The following FAM184B variants were observed in gnomAD, a reference collection of about 807,000 sequenced individuals.
The protein encoded by FAM184B is protein FAM184B.
FAM184B carries 111 observed loss-of-function variants against 135.9 expected under a neutral mutation model. The ratio of observed to expected loss-of-function variants is 0.82; its 90% CI spans 0.70 to 0.96. The LOEUF (loss-of-function observed/expected upper bound fraction) is 0.96, where lower values mean the gene tolerates loss of function less well. FAM184B is among the 40% of genes least tolerant of loss of function. The pLI is 0.00. For synonymous variants in FAM184B, 552 were observed against 524.8 expected, an observed-to-expected ratio of 1.05 and a Z score of -0.71; for missense variants, 1,375 against 1,323.9, an observed-to-expected ratio of 1.04 and a Z score of -0.60.
At chr4:17,744,261 A>T (rs1274002703) in intron 1 of FAM184B, among the ~76,000 whole-genome samples, 2 of 152,068 alleles carry the variant, frequency 1.3e-5, no homozygotes, top group African/African-American at 4.8e-5. Flanking sequence ...TGCTTGACTG[A>T]ATAACTGGGA....
chr4:17,708,689 AT>A (rs1366944166), intron 2 of FAM184B, among the ~76,000 whole-genome samples: 3 of 51,274 alleles, frequency 5.9e-5, no homozygotes, highest in Non-Finnish European at 1.0e-4. Flanking sequence ...ATATATATAT[AT>A]ATATATATAT....
At chr4:17,774,518 G>T (rs182128979) in intron 1 of FAM184B, among the ~76,000 whole-genome samples, 36 of 152,260 alleles carry the variant, frequency 2.4e-4, no homozygotes, top group Non-Finnish European at 4.0e-4. Context: ...CTTCCCAAAG[G>T]GTTTATTTAC....
intron 1 of FAM184B, among the ~76,000 whole-genome samples, chr4:17,736,666 A>T (rs893596339): frequency 1.3e-5 from 2 of 152,170 alleles, no homozygotes; most frequent in Admixed American, 6.5e-5. Flanking sequence ...TACAGGAGAT[A>T]CAGGGTAAGT....
At chr4:17,698,385 A>G (rs1716912230) in intron 5 of FAM184B, among the ~76,000 whole-genome samples, 1 of 149,568 alleles carries the variant, frequency 6.7e-6, no homozygotes, top group African/African-American at 2.5e-5. Context: ...ACAGGTAATT[A>G]AGGAAAAGAG....
intron 1 of FAM184B, among the ~76,000 whole-genome samples, chr4:17,726,674 A>G (rs1717650670): frequency 6.6e-6 from 1 of 152,142 alleles, no homozygotes; most frequent in East Asian, 1.9e-4. Context: ...GCCTGGCCAA[A>G]TGATGTCATT....
intron 1 of FAM184B, among the ~76,000 whole-genome samples, chr4:17,768,531 T>C (rs1718746705): frequency 1.3e-5 from 2 of 152,208 alleles, no homozygotes; most frequent in African/African-American, 4.8e-5. Flanking sequence ...CGCCTCGGCC[T>C]CCCAAAGTGC....
Position 17,632,512 on chromosome 4 carries a change from G to A in FAM184B, c.*20C>T. 1 of 1,520,286 alleles carries A rather than the reference G, an allele frequency of 6.6e-7. No homozygotes were observed. The highest frequency in any genetic ancestry group is 8.9e-7 in the Non-Finnish European group (1 of 1,120,294). The allele number at this position is 1,520,286 out of a possible 1,614,324, so 94.2% of individuals were successfully genotyped here. ...TAAATGTTTTTCAAGTATCCTCTGT[G>A]ATGTATCCCAAAGGTTAGCTTAGAA... On this transcript the variant is annotated 3_prime_UTR_variant, in exon 18 of 18. Transcript: ENST00000265018.
chr4:17,717,787 GA>G (rs1325221209), intron 1 of FAM184B, among the ~76,000 whole-genome samples: 10 of 150,368 alleles, frequency 6.7e-5, no homozygotes, highest in Non-Finnish European at 3.0e-5. Flanking sequence ...GAATTGAAAT[GA>G]AAAAGAAAAA....
intron 11 of FAM184B, among the ~76,000 whole-genome samples, chr4:17,651,186 G>A (rs1056766267): frequency 6.6e-6 from 1 of 152,164 alleles, no homozygotes; most frequent in Non-Finnish European, 1.5e-5. Context: ...GAAAATGAGG[G>A]ACAGGGATGA....
At chr4:17,682,358 A>C (rs1312563199) in intron 7 of FAM184B, among the ~76,000 whole-genome samples, 5 of 152,270 alleles carry the variant, frequency 3.3e-5, no homozygotes, top group African/African-American at 1.2e-4. Context: ...GTCCCAGCTA[A>C]GTTTAGTGGG....
intron 1 of FAM184B, among the ~76,000 whole-genome samples, chr4:17,733,435 C>G (rs1362188495): frequency 6.6e-6 from 1 of 152,170 alleles, no homozygotes; most frequent in Non-Finnish European, 1.5e-5. Flanking sequence ...TAGAAATCCC[C>G]ATCGTCTCAG....
At chr4:17,685,174 A>G (rs1716549379) in intron 7 of FAM184B, among the ~76,000 whole-genome samples, 1 of 148,064 alleles carries the variant, frequency 6.8e-6, no homozygotes, top group Non-Finnish European at 1.5e-5. Flanking sequence ...AAACCTATTC[A>G]TCCTGCACAT....
Position 17,651,537 on chromosome 4 carries a change from C to CAAAAAAA in FAM184B, c.2191+1286_2191+1292dup, listed in dbSNP as rs751455835. Among the ~76,000 whole-genome samples the CAAAAAAA allele has an allele frequency of 7.4e-4, 32 of 43,092 alleles. 1 individual carries two copies. The highest frequency in any genetic ancestry group is 3.6e-3 in the South Asian group (2 of 562). The allele number at this position is 43,092 out of a possible 152,430, so 28.3% of individuals were successfully genotyped here. On this transcript the variant is annotated intron_variant, in intron 11 of 17. Coordinates refer to ENST00000265018, the MANE Select transcript of FAM184B (RefSeq NM_015688.2). ...TGGGCGACAGAGCAAGACTCTGTCT[C>CAAAAAAA]AAAAAAAAAAAAAAAAAAAAAAAAA... is the stretch of plus-strand genomic sequence containing the variant.
intron 8 of FAM184B, among the ~76,000 whole-genome samples, chr4:17,662,411 C>T (rs374604151): frequency 8.6e-5 from 13 of 151,976 alleles, no homozygotes; most frequent in African/African-American, 2.7e-4. Context: ...AATCTCGGCT[C>T]GCTGCAACCT....
At chr4:17,685,842 T>G (rs1035170565) in intron 7 of FAM184B, among the ~76,000 whole-genome samples, 2 of 152,146 alleles carry the variant, frequency 1.3e-5, no homozygotes, top group African/African-American at 4.8e-5. Flanking sequence ...AGTCAAGTGC[T>G]GAAGTTGAGC....
intron 1 of FAM184B, among the ~76,000 whole-genome samples, chr4:17,748,543 TCGC>T: frequency 7.3e-6 from 1 of 137,372 alleles, no homozygotes; most frequent in Non-Finnish European, 1.5e-5. Context: ...AGACAATGTC[TCGC>T]TCTGCCACCC....
chr4:17,690,079 C>T (rs1312178788), intron 6 of FAM184B, among the ~76,000 whole-genome samples: 2 of 151,654 alleles, frequency 1.3e-5, no homozygotes, highest in African/African-American at 2.4e-5. Context: ...ACCTGAGAGG[C>T]GGAGGTTACA....
rs1173872924 is a variant in FAM184B at position 17,658,488 on chromosome 4, G to C, written c.1899C>G (p.Leu633=). The part of the protein sequence containing the change: ...YREDLQALKQ[L]SDLEREKLQR... ...GCAGCTTCTCCCTCTCCAGGTCCGA[G>C]AGCTGCTTGAGTGCCTGCAGGTCCT... The change falls in exon 10 of 18, where the codon CTC becomes CTG. Residue 633 remains leucine, a synonymous_variant. Transcript: ENST00000265018. 6.4e-7 allele frequency: 1 copy of C among 1,551,562 alleles called. No homozygotes were observed. Among genetic ancestry groups the C allele is most frequent in the Non-Finnish European group, 8.7e-7 (1 of 1,146,934 alleles).
intron 14 of FAM184B, among the ~76,000 whole-genome samples, chr4:17,638,462 A>G (rs988035385): frequency 5.9e-5 from 9 of 151,748 alleles, no homozygotes; most frequent in Admixed American, 3.3e-4. Context: ...TCAGCCATGC[A>G]AAGTGCTAGG....
Sources: allele counts gnomAD v4.1 joint callset (sites outside exome capture counted in the v4.1 genomes callset), GRCh38; gene constraint gnomAD v4.1.1; transcripts MANE v1.5; gene names NCBI Gene and HGNC (gene_info 2026-07-23, HGNC 2026-07-21).